STPG2: variants seen among roughly 807,000 people sequenced by gnomAD.
STPG2 encodes the protein sperm-tail PG-rich repeat-containing protein 2.
STPG2 carries 56 observed loss-of-function variants against 54.2 expected under a neutral mutation model. The observed-to-expected ratio is 1.03, with a 90% CI of 0.83 to 1.29. STPG2 has a LOEUF of 1.29. Ranked by LOEUF, STPG2 falls within the 50% of genes most tolerant of loss-of-function variation. The pLI is 0.00. For synonymous variants in STPG2, 200 were observed against 181.8 expected (o/e 1.10, Z -0.81); for missense variants, 596 against 544.9 (o/e 1.09, Z -0.93).
At chr4:97,776,039 T>C (rs1409237415) in intron 9 of STPG2, among the ~76,000 whole-genome samples, 1 of 152,104 alleles carries the variant, frequency 6.6e-6, no homozygotes, top group Non-Finnish European at 1.5e-5. Flanking sequence ...TGGGATTACA[T>C]GCATGAGCTA....
At chr4:97,787,743 T>A (rs898312608) in intron 9 of STPG2, among the ~76,000 whole-genome samples, 7 of 152,066 alleles carry the variant, frequency 4.6e-5, no homozygotes, top group Admixed American at 2.6e-4. Flanking sequence ...CAGATAACTT[T>A]TAATGAAGAA....
At chr4:97,741,663 G>A (rs1319291631) in intron 9 of STPG2, among the ~76,000 whole-genome samples, 2 of 152,176 alleles carry the variant, frequency 1.3e-5, no homozygotes, top group Non-Finnish European at 2.9e-5. Flanking sequence ...ACCGCAATGT[G>A]ATACCATCTC....
At chr4:97,452,599 A>C (rs573222870) in intron 4 of STPG2, among the ~76,000 whole-genome samples, 1 of 152,222 alleles carries the variant, frequency 6.6e-6, no homozygotes, top group South Asian at 2.1e-4. Context: ...AAGAGGAGCA[A>C]CCCTTATTGT....
intron 9 of STPG2, among the ~76,000 whole-genome samples, chr4:97,740,619 C>G (rs1482870902): frequency 6.6e-6 from 1 of 152,044 alleles, no homozygotes; most frequent in Non-Finnish European, 1.5e-5. Flanking sequence ...ACAATTTCTT[C>G]AAAGAGAATA....
intron 7 of STPG2, among the ~76,000 whole-genome samples, chr4:97,949,780 G>A (rs1255339639): frequency 2.0e-5 from 3 of 152,146 alleles, no homozygotes; most frequent in Admixed American, 6.6e-5. Flanking sequence ...TTCCCTTACA[G>A]GTTACCTGAT....
chr4:98,142,752 G>T (rs1337068948), intron 1 of STPG2, among the ~76,000 whole-genome samples: 1 of 152,104 alleles, frequency 6.6e-6, no homozygotes, highest in Non-Finnish European at 1.5e-5. Flanking sequence ...ACACAGCCAG[G>T]AAATCAAAAT....
intron 4 of STPG2, among the ~76,000 whole-genome samples, chr4:97,537,559 G>C (rs184179387): frequency 2.6e-5 from 4 of 152,144 alleles, no homozygotes; most frequent in Non-Finnish European, 4.4e-5. Context: ...GTTCAAACTG[G>C]GTGGAGCCCA....
chr4:98,142,870 T>C (rs1374825466), intron 1 of STPG2, among the ~76,000 whole-genome samples, 172 bp downstream of exon 1: 1 of 152,234 alleles, frequency 6.6e-6, no homozygotes, highest in Admixed American at 6.5e-5. Context: ...AGTGATACTA[T>C]CAGTCTCATC....
At chr4:98,128,879 A>G (rs1228434674) in intron 2 of STPG2, among the ~76,000 whole-genome samples, 3 of 152,096 alleles carry the variant, frequency 2.0e-5, no homozygotes, top group Admixed American at 6.5e-5. Context: ...GACTACAGGC[A>G]TGCACCACTA....
chr4:97,574,614 G>A (rs1178295468), intron 10 of STPG2, among the ~76,000 whole-genome samples: 1 of 152,066 alleles, frequency 6.6e-6, no homozygotes, highest in East Asian at 1.9e-4. Flanking sequence ...GAGAAGAGAG[G>A]GATTACATCA....
At chr4:97,899,036 C>T (rs1364020926) in intron 8 of STPG2, among the ~76,000 whole-genome samples, 1 of 151,730 alleles carries the variant, frequency 6.6e-6, no homozygotes, top group Non-Finnish European at 1.5e-5. Context: ...CAAACTATCT[C>T]TGTTTGCAAA....
intron 9 of STPG2, among the ~76,000 whole-genome samples, chr4:97,726,364 T>A (rs977089716): frequency 6.6e-6 from 1 of 151,916 alleles, no homozygotes; most frequent in Non-Finnish European, 1.5e-5. Flanking sequence ...GGATAGATGG[T>A]GGTGATGAAG....
At chr4:97,677,573 A>G (rs567362972) in intron 10 of STPG2, among the ~76,000 whole-genome samples, 1 of 152,340 alleles carries the variant, frequency 6.6e-6, no homozygotes, top group South Asian at 2.1e-4. Flanking sequence ...GGCCATTAGC[A>G]AGTAAAGAAA....
At chr4:97,448,093 C>T (rs1729272121) in intron 4 of STPG2, among the ~76,000 whole-genome samples, 2 of 152,214 alleles carry the variant, frequency 1.3e-5, no homozygotes, top group Non-Finnish European at 2.9e-5. Context: ...TTCAGACTCA[C>T]ATGGGGCTTA....
intron 7 of STPG2, 108 bp downstream of exon 7, chr4:97,972,169 TATA>T: frequency 1.5e-6 from 1 of 687,336 alleles, no homozygotes; most frequent in Non-Finnish European, 2.2e-6. Flanking sequence ...GGAACATGGT[TATA>T]ATAACTATTT....
chr4:97,950,155 T>C (rs1733412573), intron 7 of STPG2, among the ~76,000 whole-genome samples: 1 of 152,074 alleles, frequency 6.6e-6, no homozygotes, highest in African/African-American at 2.4e-5. Context: ...TTAATTTCTT[T>C]ATGTTAATTT....
chr4:97,727,747 C>G (rs1237224592), intron 9 of STPG2, among the ~76,000 whole-genome samples: 1 of 150,302 alleles, frequency 6.7e-6, no homozygotes, highest in African/African-American at 2.4e-5. Flanking sequence ...AATTTTCTTA[C>G]AAAACTAGTG....
Position 98,139,954 on chromosome 4 carries a change from G to A in STPG2, c.109+3088C>T, listed in dbSNP as rs146601789. Among the ~76,000 whole-genome samples the A allele has an allele frequency of 2.0e-3, 312 of 152,298 alleles. 3 individuals are homozygous for A. The Middle Eastern group carries it at 0.027, about 13-fold the overall frequency. ...TAGGAATAATGGAGTAAAGATCGTG[G>A]TTATTGCCCTCAAGCAGCTCACATT... On this transcript the variant is annotated intron_variant, in intron 1 of 10. Transcript: ENST00000295268.
intron 8 of STPG2, among the ~76,000 whole-genome samples, chr4:97,889,697 G>A (rs1006961699): frequency 6.6e-6 from 1 of 152,098 alleles, no homozygotes; most frequent in Non-Finnish European, 1.5e-5. Context: ...AGAGTTTTGG[G>A]GACGTGCTGG....
Sources: gnomAD v4.1 joint callset for allele counts (sites outside exome capture counted in the v4.1 genomes callset) on GRCh38, gnomAD v4.1.1 for gene constraint, MANE v1.5 for transcripts, NCBI Gene and HGNC (gene_info 2026-07-23, HGNC 2026-07-21) for gene names.